The following TMCO5A variants were observed in gnomAD, a reference collection of about 807,000 sequenced individuals.
The protein encoded by TMCO5A is transmembrane and coiled-coil domains 5A, also known as transmembrane and coiled-coil domain-containing protein 5A.
In TMCO5A, 34 loss-of-function variants were observed where a neutral mutation model predicts 42.3. That is an observed-to-expected ratio of 0.80 (90% CI 0.61 to 1.07). The LOEUF is 1.07. Ranked by LOEUF, TMCO5A falls within the 50% of genes least tolerant of loss-of-function variation. The pLI, the probability that TMCO5A is intolerant of heterozygous loss-of-function variation, is 0.00. For missense variants in TMCO5A, 357 were observed against 327.9 expected (o/e 1.09, Z -0.69); for synonymous variants, 131 against 115.6 (o/e 1.13, Z -0.86).
the TMCO5A span, among the ~76,000 whole-genome samples, chr15:37,992,978 C>T: frequency 2.0e-5 from 3 of 152,096 alleles, no homozygotes; most frequent in African/African-American, 7.2e-5. Flanking sequence ...AACAAACTTG[C>T]ACAAGTACCC....
the TMCO5A span, among the ~76,000 whole-genome samples, chr15:37,976,405 G>A: frequency 2.6e-5 from 4 of 152,094 alleles, no homozygotes; most frequent in Admixed American, 6.6e-5. Context: ...ATCTTGTACA[G>A]TATGTCACAG....
At chr15:37,941,814 C>T in intron 8 of TMCO5A, 84 bp downstream of exon 8, 6 of 1,209,948 alleles carry the variant, frequency 5.0e-6, no homozygotes, top group Non-Finnish European at 7.3e-6. Context: ...GACTACTGTC[C>T]AGAGCAATTT....
At chr15:37,991,610 A>G in the TMCO5A span, among the ~76,000 whole-genome samples, 1 of 152,118 alleles carries the variant, frequency 6.6e-6, no homozygotes, top group East Asian at 1.9e-4. Flanking sequence ...CAGATCCCTT[A>G]GGACCTTTTC....
the TMCO5A span, among the ~76,000 whole-genome samples, chr15:38,008,096 C>T: frequency 2.0e-5 from 3 of 151,646 alleles, no homozygotes; most frequent in Admixed American, 6.6e-5. Context: ...GGGGTTTCAC[C>T]ATGTTAGCCG....
intron 8 of TMCO5A, 163 bp downstream of exon 8, chr15:37,941,893 C>G (rs572755083): frequency 6.1e-6 from 4 of 658,194 alleles, no homozygotes; most frequent in African/African-American, 5.4e-5. Flanking sequence ...ATCAATATCA[C>G]TCTATTTGTC....
At chr15:37,966,244 A>C (rs923298915) in intron 11 of TMCO5A, among the ~76,000 whole-genome samples, 1 of 151,890 alleles carries the variant, frequency 6.6e-6, no homozygotes, top group Non-Finnish European at 1.5e-5. Context: ...TGGTTACCAG[A>C]GGTTGTGAAG....
chr15:37,936,836 G>C lies in TMCO5A; in HGVS notation c.141-11G>C. 2.5e-6 allele frequency: 4 copies of C among 1,610,994 alleles called. No homozygotes were observed. Among genetic ancestry groups the C allele is most frequent in the East Asian group, 2.2e-5 (1 of 44,710 alleles). On this transcript the variant is annotated splice_polypyrimidine_tract_variant and intron_variant, in intron 3 of 11. Transcript: ENST00000319669. ...GCATGGGTCCTCATGGCATGTGCTT[G>C]TGTTGTCCAGGCTGGAAAGTGAGAT... is the stretch of plus-strand genomic sequence containing the variant.
chr15:37,987,826 A>G, the TMCO5A span, among the ~76,000 whole-genome samples: 1 of 151,908 alleles, frequency 6.6e-6, no homozygotes, highest in East Asian at 1.9e-4. Context: ...TTTAAATATT[A>G]TTTTAGCTAT....
the TMCO5A span, among the ~76,000 whole-genome samples, chr15:38,037,499 C>A: frequency 6.6e-6 from 1 of 152,114 alleles, no homozygotes; most frequent in Non-Finnish European, 1.5e-5. Flanking sequence ...TTAAGGGGGC[C>A]AAGGACCTGT....
the TMCO5A span, among the ~76,000 whole-genome samples, chr15:37,975,585 T>C: frequency 9.3e-5 from 14 of 151,218 alleles, no homozygotes; most frequent in African/African-American, 3.2e-4. Context: ...TTCCATTTAC[T>C]TGGTAGATTT....
chr15:38,000,233 A>C, the TMCO5A span, among the ~76,000 whole-genome samples: 2 of 152,150 alleles, frequency 1.3e-5, no homozygotes, highest in African/African-American at 4.8e-5. Flanking sequence ...GAATTTCTTC[A>C]TGATTCAATC....
the TMCO5A span, among the ~76,000 whole-genome samples, chr15:37,986,343 G>T: frequency 5.3e-5 from 8 of 151,026 alleles, no homozygotes; most frequent in East Asian, 1.6e-3. Context: ...AACTCTTTCT[G>T]ATGGAAGCGA....
intron 11 of TMCO5A, among the ~76,000 whole-genome samples, chr15:37,950,560 C>T (rs1385600173): frequency 6.6e-6 from 1 of 152,058 alleles, no homozygotes; most frequent in Admixed American, 6.6e-5. Flanking sequence ...AACCAATAAA[C>T]CTATAACAGA....
At chr15:37,948,965 A>C (rs1890061801) in intron 11 of TMCO5A, among the ~76,000 whole-genome samples, 1 of 152,048 alleles carries the variant, frequency 6.6e-6, no homozygotes, top group Admixed American at 6.6e-5. Context: ...CATAGCAGCA[A>C]ACTTGAGAAA....
chr15:37,962,339 T>C lies in TMCO5A; in HGVS notation c.669-4286T>C, dbSNP rs145693480. On this transcript the variant is annotated intron_variant, in intron 11 of 11. Coordinates refer to the TMCO5A transcript ENST00000559502. The stretch of plus-strand genomic sequence containing the variant: ...AATTCTGTTTATGTGGCATATAACC[T>C]TTATTGACTTGTGTATATTAAACCA... Among the ~76,000 whole-genome samples the C allele has an allele frequency of 3.8e-3, 578 of 152,278 alleles. 5 individuals are homozygous for C. The highest frequency in any genetic ancestry group is 0.012 in the African/African-American group (515 of 41,564).
At chr15:37,937,430 C>G in intron 5 of TMCO5A, 34 bp downstream of exon 5, 1 of 1,609,994 alleles carries the variant, frequency 6.2e-7, no homozygotes, top group Non-Finnish European at 8.5e-7. Flanking sequence ...CCAGTGCCCC[C>G]ACAACAGCCC....
chr15:38,013,232 C>T, the TMCO5A span, among the ~76,000 whole-genome samples: 4,699 of 152,262 alleles, frequency 0.031, 113 homozygotes, highest in Middle Eastern at 0.078. Context: ...TTCCAGGAAG[C>T]TGCCTGTGGC....
chr15:38,020,685 T>C, the TMCO5A span, among the ~76,000 whole-genome samples: 2 of 152,204 alleles, frequency 1.3e-5, no homozygotes, highest in African/African-American at 4.8e-5. Context: ...GCACAATTTA[T>C]ATGTGTATCA....
chr15:37,973,542 G>A, the TMCO5A span, among the ~76,000 whole-genome samples: 1 of 152,072 alleles, frequency 6.6e-6, no homozygotes, highest in Admixed American at 6.6e-5. Context: ...TGGCACTTGT[G>A]AATGTGATTC....
Sources: gnomAD v4.1 joint callset for allele counts (sites outside exome capture counted in the v4.1 genomes callset) on GRCh38, gnomAD v4.1.1 for gene constraint, MANE v1.5 for transcripts, NCBI Gene and HGNC (gene_info 2026-07-23, HGNC 2026-07-21) for gene names.